The following PCDHGA9 variants were observed in gnomAD, a reference collection of about 807,000 sequenced individuals.
The protein encoded by PCDHGA9 is protocadherin gamma-A9.
PCDHGA9 carries 37 observed loss-of-function variants against 62.5 expected under a neutral mutation model. That is an observed-to-expected ratio of 0.59 (90% CI 0.46 to 0.78). The LOEUF (loss-of-function observed/expected upper bound fraction) is 0.78. PCDHGA9 is among the 30% of genes least tolerant of loss of function. The pLI is 0.00. For missense variants in PCDHGA9, 1,138 were observed against 1,166.2 expected, an observed-to-expected ratio of 0.98 and a Z score of 0.35; for synonymous variants, 459 against 484.6, an observed-to-expected ratio of 0.95 and a Z score of 0.69.
intron 2 of PCDHGA9, among the ~76,000 whole-genome samples, chr5:141,499,772 C>T (rs1217675128): frequency 1.0e-4 from 15 of 147,946 alleles, no homozygotes; most frequent in Admixed American, 9.0e-4. Context: ...CTGCAGCCTT[C>T]GCCTCCCGGG....
At chr5:141,449,202 C>T (rs77980623) in intron 1 of PCDHGA9, among the ~76,000 whole-genome samples, 7,411 of 152,148 alleles carry the variant, frequency 0.049, 284 homozygotes, top group African/African-American at 0.1. Context: ...AGTGTTAATT[C>T]TAACTTTCTG....
In PCDHGA9 at chr5:141,432,827, A is replaced by G. The variant is rs758445645; in HGVS notation, c.2424+27451A>G. ...AGCTAACTCTGAAACCTCAGACCTC[A>G]CTCTGTACCTGGTGGTAGCGGTGGC... On this transcript the variant is annotated intron_variant, in intron 1 of 3. Transcript: ENST00000573521. The surrounding 1 kb of genome is among the most constrained non-coding windows in gnomAD (Gnocchi z 6.0). 9 of 1,613,142 alleles carry G rather than the reference A, an allele frequency of 5.6e-6. No individual in the cohort carries two copies. Among genetic ancestry groups the G allele is most frequent in the Admixed American group, 1.7e-5 (1 of 59,958 alleles).
At chr5:141,434,199 T>G (rs1406339464) in intron 1 of PCDHGA9, among the ~76,000 whole-genome samples, 1 of 151,914 alleles carries the variant, frequency 6.6e-6, no homozygotes, top group Non-Finnish European at 1.5e-5. Context: ...CCAATGTACT[T>G]ACTTCTGTCA....
Position 141,404,593 on chromosome 5 carries a change from A to C in PCDHGA9, c.1641A>C (p.Ser547=). Reference sequence around the variant, plus strand: ...GCCCACCACTTAGCAGCAATGTGTCATTGAGACTGTTTGTTTTGGACCAGA... The same window carrying C: ...GCCCACCACTTAGCAGCAATGTGTCCTTGAGACTGTTTGTTTTGGACCAGA... The part of the protein sequence containing the change: ...SGSPPLSSNV[S]LRLFVLDQND... Residue 547 remains serine, a synonymous_variant, in exon 1 of 4, where the codon TCA becomes TCC. Transcript: ENST00000573521. 1 of 1,614,080 alleles carries C rather than the reference A, an allele frequency of 6.2e-7. No homozygotes were observed. Among genetic ancestry groups the C allele is most frequent in the Non-Finnish European group, 8.5e-7 (1 of 1,179,918 alleles).
rs139153105 is a variant in PCDHGA9 at position 141,432,400 on chromosome 5, G to T, written c.2424+27024G>T. 3.1e-6 allele frequency: 5 copies of T among 1,614,122 alleles called. No homozygotes were observed. In the African/African-American group the frequency reaches 4.0e-5, roughly 13 times the overall value. ...ACCCGCCCCTCAGCAGCAACGTGTC[G>T]TTGAGCCTGTTCGTGCTGGACCAGA... On this transcript the variant is annotated intron_variant, in intron 1 of 3. Transcript: ENST00000573521. The surrounding 1 kb of genome is among the most constrained non-coding windows in gnomAD (Gnocchi z 6.0).
At position 141,485,430 on chromosome 5, in the gene PCDHGA9, T is replaced by C; in HGVS notation, c.2425-9377T>C. The C allele has an allele frequency of 6.2e-7, 1 of 1,614,138 alleles. No individual in the cohort carries two copies. Among genetic ancestry groups the C allele is most frequent in the Non-Finnish European group, 8.5e-7 (1 of 1,180,022 alleles). On this transcript the variant is annotated intron_variant, in intron 1 of 3. Transcript: ENST00000573521. The surrounding 1 kb of genome is among the most constrained non-coding windows in gnomAD (Gnocchi z 5.7). ...GATTTGGACAGCGGAGCCCTGCTCA[T>C]CAAGAACCCAATCGACCGAGAGGCA... is the stretch of plus-strand genomic sequence containing the variant.
rs1028021504 is a variant in PCDHGA9 at position 141,404,221 on chromosome 5, T to C, written c.1269T>C (p.Thr423=). Reference sequence around the variant, plus strand: ...CCTCAGAATATAATATCACGGTGACTGCAACAGACAGAGGAACTCCGCCCC... The same window carrying C: ...CCTCAGAATATAATATCACGGTGACCGCAACAGACAGAGGAACTCCGCCCC... ...EKASEYNITV[T]ATDRGTPPLS... is the part of the protein sequence containing the mutation. Residue 423 remains threonine (T), a synonymous_variant, in exon 1 of 4, where the codon ACT becomes ACC. Coordinates refer to ENST00000573521, the MANE Select transcript of PCDHGA9 (RefSeq NM_018921.3). The C allele has an allele frequency of 1.2e-6, 2 of 1,613,766 alleles. No homozygotes were observed. The highest frequency in any genetic ancestry group is 1.7e-6 in the Non-Finnish European group (2 of 1,179,788).
At chr5:141,504,182 C>A (rs2099836345) in intron 2 of PCDHGA9, among the ~76,000 whole-genome samples, 1 of 152,234 alleles carries the variant, frequency 6.6e-6, no homozygotes, top group Non-Finnish European at 1.5e-5. Context: ...TCAAAAAAAT[C>A]ATGAAAATTG....
Position 141,487,665 on chromosome 5 carries a change from G to T in PCDHGA9, c.2425-7142G>T, listed in dbSNP as rs373971935. 8.7e-5 allele frequency: 141 copies of T among 1,612,724 alleles called. No individual in the cohort carries two copies. The highest frequency in any genetic ancestry group is 1.1e-4 in the Non-Finnish European group (135 of 1,179,392). On this transcript the variant is annotated intron_variant, in intron 1 of 3. Coordinates refer to ENST00000573521, the MANE Select transcript of PCDHGA9 (RefSeq NM_018921.3). The surrounding 1 kb of genome is among the most constrained non-coding windows in gnomAD (Gnocchi z 5.0). ...ATGCTTGAGGGTTATTCTGATCCAG[G>T]CATATGGCTAGGCCATGTCCTAGAG...
chr5:141,498,251 C>A (rs1277949209), intron 2 of PCDHGA9, among the ~76,000 whole-genome samples: 1 of 152,178 alleles, frequency 6.6e-6, no homozygotes, highest in African/African-American at 2.4e-5. Flanking sequence ...CAAAGCAGGG[C>A]TGGTGTTGAG....
Position 141,431,388 on chromosome 5 carries a change from T to G in PCDHGA9, c.2424+26012T>G. 1 of 1,613,920 alleles carries G rather than the reference T, an allele frequency of 6.2e-7. No individual in the cohort carries two copies. The highest frequency in any genetic ancestry group is 8.5e-7 in the Non-Finnish European group (1 of 1,180,038). ...CGCGAAGAAAAGGCTGCTCACCACC[T>G]GGTCCTTACGGCCTCCGACGGGGGC... On this transcript the variant is annotated intron_variant, in intron 1 of 3. Transcript: ENST00000573521. The surrounding 1 kb of genome is among the most constrained non-coding windows in gnomAD (Gnocchi z 4.8).
Position 141,490,810 on chromosome 5 carries a change from T to C in PCDHGA9, c.2425-3997T>C, listed in dbSNP as rs2099704652. On this transcript the variant is annotated intron_variant, in intron 1 of 3. Transcript: ENST00000573521. This position sits in a 1 kb window ranked among gnomAD's most constrained non-coding sequence, Gnocchi z 5.4. ...GATCTTTGCCCAGCGTACCTTTGAC[T>C]ATGAATTGCTGCAGATGCTGCAGAT... 1 of 1,613,936 alleles carries C rather than the reference T, an allele frequency of 6.2e-7. No individual in the cohort carries two copies. Among genetic ancestry groups the C allele is most frequent in the Non-Finnish European group, 8.5e-7 (1 of 1,179,884 alleles).
intron 1 of PCDHGA9, among the ~76,000 whole-genome samples, chr5:141,467,047 A>G (rs1271306217): frequency 1.3e-5 from 2 of 149,986 alleles, no homozygotes; most frequent in East Asian, 3.9e-4. Context: ...GTAATGAATC[A>G]ATGTTTTCTT....
chr5:141,439,310 A>G lies in PCDHGA9; in HGVS notation c.2424+33934A>G, dbSNP rs775009481. ...TCCATGGAAAAAGTAAAGCCCAGGCATGGAAGTGGGAATGGAAAGAAAGAT... is the reference window on the plus strand; with the variant it reads ...TCCATGGAAAAAGTAAAGCCCAGGCGTGGAAGTGGGAATGGAAAGAAAGAT... On this transcript the variant is annotated intron_variant, in intron 1 of 3. Transcript: ENST00000573521. 1.6e-4 allele frequency among the ~76,000 whole-genome samples: 24 copies of G among 152,320 alleles called. No homozygotes were observed. In the South Asian group the frequency reaches 4.1e-3, roughly 26 times the overall value.
In PCDHGA9 at chr5:141,403,562, G is replaced by A. The variant is rs2094421705; in HGVS notation, c.610G>A (p.Glu204Lys). ...GCTGGAGCGCGCCCTGGACAGGGAG[G>A]AGGCAACTGCCCACCACCTGGTCCT... ...LVLERALDRE[E>K]ATAHHLVLTA... Residue 204 changes from glutamate to lysine, a missense_variant, in exon 1 of 4, where the codon GAG becomes AAG. Transcript: ENST00000573521. 1 of 1,613,980 alleles carries A rather than the reference G, an allele frequency of 6.2e-7. No homozygotes were observed. Among genetic ancestry groups the A allele is most frequent in the Non-Finnish European group, 8.5e-7 (1 of 1,179,894 alleles).
chr5:141,470,130 A>G (rs915991313), intron 1 of PCDHGA9, among the ~76,000 whole-genome samples: 4 of 151,534 alleles, frequency 2.6e-5, no homozygotes, highest in African/African-American at 4.9e-5. Flanking sequence ...CTTCGTCTCA[A>G]AAAAAAAGAT....
At chr5:141,446,922 T>G (rs939249512) in intron 1 of PCDHGA9, among the ~76,000 whole-genome samples, 1 of 152,220 alleles carries the variant, frequency 6.6e-6, no homozygotes, top group Non-Finnish European at 1.5e-5. Context: ...TTTATCTTCC[T>G]GATCTCTTTT....
intron 2 of PCDHGA9, 103 bp from the exon 3 acceptor site, chr5:141,505,290 G>A: frequency 3.2e-6 from 5 of 1,564,680 alleles, no homozygotes; most frequent in Non-Finnish European, 4.3e-6. Context: ...TTGGGCATGG[G>A]GTAGGGTTAG....
chr5:141,419,451 C>T (rs747887064), intron 1 of PCDHGA9: 2 of 1,612,796 alleles, frequency 1.2e-6, no homozygotes, highest in Non-Finnish European at 8.5e-7. Flanking sequence ...TTCGAGCTCA[C>T]GCTGCAGGCC....
Sources: allele counts gnomAD v4.1 joint callset (sites outside exome capture counted in the v4.1 genomes callset), GRCh38; gene constraint gnomAD v4.1.1; non-coding constraint Gnocchi (gnomAD v3.1); transcripts MANE v1.5; gene names NCBI Gene and HGNC (gene_info 2026-07-23, HGNC 2026-07-21).